Variants in CYP2C19 observed in about 807,000 individuals in gnomAD.
CYP2C19 encodes cytochrome P450 2C19.
Under a neutral mutation model 40.9 loss-of-function variants are expected in CYP2C19, and 59 were observed. The observed-to-expected ratio is 1.44, with a 90% confidence interval of 1.17 to 1.79. The LOEUF (loss-of-function observed/expected upper bound fraction) is 1.79, where lower values mean the gene tolerates loss of function less well. Among genes scored for constraint, CYP2C19 ranks in the 40% most tolerant of loss-of-function variants. CYP2C19 has a pLI of 0.00. For synonymous variants in CYP2C19, 253 were observed against 208.7 expected (o/e 1.21, Z -1.83); for missense variants, 754 against 596.9 (o/e 1.26, Z -2.74).
chr10:94,795,258 G>GT (rs1488125736), intron 5 of CYP2C19, among the ~76,000 whole-genome samples: 4 of 149,456 alleles, frequency 2.7e-5, no homozygotes, highest in Non-Finnish European at 5.9e-5. Context: ...ACGGTGTTTG[G>GT]TTTTTTCTCC....
chr10:94,824,636 T>C (rs369137408), intron 6 of CYP2C19, among the ~76,000 whole-genome samples: 2 of 152,174 alleles, frequency 1.3e-5, no homozygotes, highest in Admixed American at 6.5e-5. Flanking sequence ...AAATTTATGC[T>C]TACTTTATGT....
chr10:94,808,170 G>A (rs975000081), intron 5 of CYP2C19, among the ~76,000 whole-genome samples: 1 of 152,036 alleles, frequency 6.6e-6, no homozygotes, highest in African/African-American at 2.4e-5. Context: ...AATAATGTTT[G>A]CTATAAAGGC....
intron 5 of CYP2C19, among the ~76,000 whole-genome samples, chr10:94,787,440 T>C (rs1035417303): frequency 6.6e-6 from 1 of 152,140 alleles, no homozygotes; most frequent in African/African-American, 2.4e-5. Context: ...CCCCATTCTG[T>C]AGGTTGTCTG....
intron 6 of CYP2C19, among the ~76,000 whole-genome samples, chr10:94,828,088 GT>G (rs1270198598): frequency 6.6e-6 from 1 of 152,038 alleles, no homozygotes; most frequent in Non-Finnish European, 1.5e-5. Flanking sequence ...TTCCAACTAT[GT>G]GGTCAATTTT....
In CYP2C19 at chr10:94,852,909, G is replaced by C. The variant is rs1015499541; in HGVS notation, c.1468G>C (p.Val490Leu). Residue 490 changes from valine to leucine, a missense_variant, in exon 9 of 9, where the codon GTC (valine) becomes CTC (leucine). By Grantham distance (32) the Val-to-Leu change is conservative (BLOSUM62 1). Transcript: ENST00000371321. ...CTTCTATCAGCTGTGCTTCATTCCT[G>C]TCTGAAGAAGCACAGATGGTCTGGC... is the stretch of plus-strand genomic sequence containing the variant. ...PPFYQLCFIPV is the reference protein window; with the variant it reads ...PPFYQLCFIPL 6.2e-7 allele frequency: 1 copy of C among 1,613,662 alleles called. No individual in the cohort carries two copies. The highest frequency in any genetic ancestry group is 1.3e-5 in the African/African-American group (1 of 74,846).
chr10:94,833,560 G>A (rs1018050945), intron 6 of CYP2C19, among the ~76,000 whole-genome samples: 3 of 151,958 alleles, frequency 2.0e-5, no homozygotes, highest in Non-Finnish European at 4.4e-5. Context: ...AATGTCCAAC[G>A]ATGATAGACT....
intron 6 of CYP2C19, among the ~76,000 whole-genome samples, chr10:94,830,204 C>G (rs1166114879): frequency 6.6e-6 from 1 of 152,238 alleles, no homozygotes; most frequent in African/African-American, 2.4e-5. Context: ...TTCCTGGCTG[C>G]TTTGTTTACG....
At chr10:94,798,814 ATTTTTTTTTT>A (rs61240923) in intron 5 of CYP2C19, among the ~76,000 whole-genome samples, 12 of 67,698 alleles carry the variant, frequency 1.8e-4, no homozygotes, top group Non-Finnish European at 2.2e-4. Flanking sequence ...GCAACCCCTG[ATTTTTTTTTT>A]TTTTTTTTTT....
At chr10:94,798,134 A>G (rs1010993783) in intron 5 of CYP2C19, among the ~76,000 whole-genome samples, 7 of 152,124 alleles carry the variant, frequency 4.6e-5, no homozygotes, top group African/African-American at 1.7e-4. Context: ...ATTTAGTGCT[A>G]TAAATTTCCG....
chr10:94,766,468 T>C (rs1034560124), intron 1 of CYP2C19, among the ~76,000 whole-genome samples: 1 of 152,070 alleles, frequency 6.6e-6, no homozygotes, highest in South Asian at 2.1e-4. Flanking sequence ...GTGATTAGGA[T>C]TTTCATCCCA....
intron 7 of CYP2C19, among the ~76,000 whole-genome samples, chr10:94,847,657 A>T (rs1468417771): frequency 6.6e-6 from 1 of 152,134 alleles, no homozygotes; most frequent in African/African-American, 2.4e-5. Context: ...CACCACACTG[A>T]CTTCCACAAT....
chr10:94,807,754 T>C (rs1297507611), intron 5 of CYP2C19, among the ~76,000 whole-genome samples: 1 of 152,122 alleles, frequency 6.6e-6, no homozygotes, highest in Admixed American at 6.6e-5. Context: ...TTGTTTCTGT[T>C]GAATTGTTTG....
chr10:94,847,292 T>C (rs1849586013), intron 7 of CYP2C19, among the ~76,000 whole-genome samples: 2 of 152,128 alleles, frequency 1.3e-5, no homozygotes, highest in Admixed American at 1.3e-4. Context: ...GTGTTCTCAT[T>C]GTTCAATTCC....
At chr10:94,812,016 T>C (rs1021006124) in intron 5 of CYP2C19, among the ~76,000 whole-genome samples, 4 of 152,226 alleles carry the variant, frequency 2.6e-5, no homozygotes, top group Admixed American at 6.5e-5. Context: ...CTGTTCCCAG[T>C]TGATCCTTTC....
chr10:94,769,299 C>T (rs942713451), intron 1 of CYP2C19, among the ~76,000 whole-genome samples: 1 of 152,144 alleles, frequency 6.6e-6, no homozygotes, highest in African/African-American at 2.4e-5. Context: ...TGAGAAGTGG[C>T]CTAGATCTTG....
At chr10:94,800,472 C>G (rs369611873) in intron 5 of CYP2C19, among the ~76,000 whole-genome samples, 1 of 152,214 alleles carries the variant, frequency 6.6e-6, no homozygotes, top group East Asian at 1.9e-4. Context: ...TTAGGCTACA[C>G]GGGGTTCAGG....
chr10:94,841,075 G>A (rs1266636224), intron 6 of CYP2C19, among the ~76,000 whole-genome samples: 1 of 152,154 alleles, frequency 6.6e-6, no homozygotes, highest in African/African-American at 2.4e-5. Flanking sequence ...ATGGTGGTGG[G>A]CCACTTCCAA....
chr10:94,774,335 A>G (rs1398497351), intron 1 of CYP2C19: 1 of 152,158 alleles, frequency 6.6e-6, no homozygotes, highest in African/African-American at 2.4e-5. Context: ...GTGATTTTAG[A>G]TCAGTTTGGC....
rs1849626167 is a variant in CYP2C19 at position 94,849,914 on chromosome 10, T to C, written c.1150-3T>C. On this transcript the variant is annotated splice_polypyrimidine_tract_variant and splice_region_variant and intron_variant, in intron 7 of 8. Transcript: ENST00000371321. ...TCAGTTCACCTATGTCTCTTGTTTC[T>C]AGGGCACAACCATATTAACTTCCCT... 6.2e-7 allele frequency: 1 copy of C among 1,613,544 alleles called. No individual in the cohort carries two copies.
Sources: allele counts gnomAD v4.1 joint callset (sites outside exome capture counted in the v4.1 genomes callset), GRCh38; gene constraint gnomAD v4.1.1; transcripts MANE v1.5; gene names NCBI Gene and HGNC (gene_info 2026-07-23, HGNC 2026-07-21).